The following AKT3 variants were observed in gnomAD, a reference collection of about 807,000 sequenced individuals.
The protein encoded by AKT3 is AKT serine/threonine kinase 3, also known as RAC-gamma serine/threonine-protein kinase.
Under a neutral mutation model 65.3 loss-of-function variants are expected in AKT3, and 15 were observed. The ratio of observed to expected loss-of-function variants is 0.23; its 90% confidence interval spans 0.15 to 0.35. The LOEUF is 0.35. AKT3 is among the 10% of genes least tolerant of loss of function. The pLI is 1.00. For missense variants in AKT3, 243 were observed against 576.5 expected (o/e 0.42, Z 5.92); for synonymous variants, 206 against 183.8 (o/e 1.12, Z -0.98).
At chr1:243,825,949 T>C (rs1003784118) in intron 2 of AKT3, among the ~76,000 whole-genome samples, 6 of 152,020 alleles carry the variant, frequency 3.9e-5, no homozygotes, top group African/African-American at 1.5e-4. Flanking sequence ...CTAGCCAACA[T>C]GGCGAAACCC....
At chr1:243,686,978 TGA>T in intron 3 of AKT3, among the ~76,000 whole-genome samples, 1 of 151,990 alleles carries the variant, frequency 6.6e-6, no homozygotes, top group Admixed American at 6.6e-5. Flanking sequence ...TGATCTCACT[TGA>T]TCCTCACTGT....
chr1:243,625,047 C>A, intron 6 of AKT3: 1 of 346,570 alleles, frequency 2.9e-6, no homozygotes, highest in Non-Finnish European at 5.9e-6. Context: ...TTACAGAAAG[C>A]CTCCTCCACC....
chr1:243,719,460 C>G (rs1316320585), intron 2 of AKT3, among the ~76,000 whole-genome samples: 1 of 152,198 alleles, frequency 6.6e-6, no homozygotes, highest in African/African-American at 2.4e-5. Flanking sequence ...GTTTTCCTGA[C>G]TACCAATTCC....
chr1:243,842,482 T>A (rs192512020), intron 2 of AKT3, among the ~76,000 whole-genome samples: 23 of 152,310 alleles, frequency 1.5e-4, no homozygotes, highest in Admixed American at 1.4e-3. Context: ...GTTCTTCCTT[T>A]AATAATAAAA....
chr1:243,826,003 G>A (rs1446876662), intron 2 of AKT3, among the ~76,000 whole-genome samples: 3 of 151,952 alleles, frequency 2.0e-5, no homozygotes, highest in African/African-American at 7.3e-5. Context: ...GTTGTAGCAG[G>A]TGCCTGTAAT....
chr1:243,503,092 A>G lies in AKT3; in HGVS notation c.*2157T>C, dbSNP rs970426157. On this transcript the variant is annotated 3_prime_UTR_variant, in exon 14 of 14. Coordinates refer to ENST00000673466, the MANE Select transcript of AKT3 (RefSeq NM_005465.7). ...TTGTCAAAATGAAACATTCAACATA[A>G]TTCCAAGTGAAAAAAAAAAGATTAG... The G allele has an allele frequency of 4.3e-6, 1 of 233,518 alleles. No individual in the cohort carries two copies. The allele number at this position is 233,518 out of a possible 1,614,324, so 14.5% of individuals were successfully genotyped here.
chr1:243,845,560 G>A (rs1038914706), intron 1 of AKT3, among the ~76,000 whole-genome samples: 2 of 122,956 alleles, frequency 1.6e-5, no homozygotes, highest in East Asian at 4.8e-4. Context: ...TGGTGACCGT[G>A]CCTGGGTGCT....
chr1:243,596,044 T>C (rs1290324255), intron 8 of AKT3, among the ~76,000 whole-genome samples: 1 of 152,178 alleles, frequency 6.6e-6, no homozygotes, highest in Non-Finnish European at 1.5e-5. Flanking sequence ...ACTTACAACA[T>C]TTACATCACT....
chr1:243,637,805 T>A (rs1680085438), intron 5 of AKT3, 63 bp from the exon 6 acceptor site: 1 of 1,197,080 alleles, frequency 8.4e-7, no homozygotes, highest in Non-Finnish European at 1.1e-6. Flanking sequence ...TGTTAGCATA[T>A]ATATATGTGT....
intron 8 of AKT3, among the ~76,000 whole-genome samples, chr1:243,594,378 CATG>C (rs1419853366): frequency 5.9e-5 from 9 of 152,026 alleles, no homozygotes; most frequent in East Asian, 1.9e-4. Context: ...TAAAAATTGA[CATG>C]ATAATAAATT....
rs1453866372 is a variant in AKT3 at position 243,798,210 on chromosome 1, T to A, written c.46+44915A>T. Among the ~76,000 whole-genome samples, 8 of 126,528 alleles carry A rather than the reference T, an allele frequency of 6.3e-5. No homozygotes were observed. In the East Asian group the frequency reaches 1.7e-3, roughly 27 times the overall value. The allele number at this position is 126,528 out of a possible 152,430, so 83.0% of individuals were successfully genotyped here. ...GCGTGAGCCACTGTGCCAGGCCCTT[T>A]TTTTTTTTTTTTTTTTTAAGACAGG... On this transcript the variant is annotated intron_variant, in intron 2 of 13. Coordinates refer to ENST00000673466, the MANE Select transcript of AKT3 (RefSeq NM_005465.7).
At chr1:243,574,660 C>T (rs1393313466) in intron 8 of AKT3, among the ~76,000 whole-genome samples, 1 of 152,034 alleles carries the variant, frequency 6.6e-6, no homozygotes, top group Admixed American at 6.6e-5. Flanking sequence ...TCATTCATTT[C>T]ATATAGTTAG....
Position 243,500,064 on chromosome 1 carries a change from G to C in AKT3, c.*5185C>G, listed in dbSNP as rs1017225402. ...CATTCGTATGCTAGGTTATACATAT[G>C]ATTTTCAATAAATGAACTTTTTAAA... On this transcript the variant is annotated 3_prime_UTR_variant, in exon 14 of 14. Coordinates refer to ENST00000673466, the MANE Select transcript of AKT3 (RefSeq NM_005465.7). 1 of 439,822 alleles carries C rather than the reference G, an allele frequency of 2.3e-6. No individual in the cohort carries two copies. The highest frequency in any genetic ancestry group is 2.0e-5 in the African/African-American group (1 of 51,238). The allele number at this position is 439,822 out of a possible 1,614,324, so 27.2% of individuals were successfully genotyped here.
At chr1:243,787,613 G>T (rs1691349182) in intron 2 of AKT3, among the ~76,000 whole-genome samples, 1 of 152,056 alleles carries the variant, frequency 6.6e-6, no homozygotes, top group Non-Finnish European at 1.5e-5. Context: ...ATAACATTTT[G>T]TTTCCCTTGC....
rs539712193 is a variant in AKT3 at position 243,594,783 on chromosome 1, T to C, written c.696+18888A>G. ...TTTGTAGAGACAGGGTCCTGCTGTG[T>C]TGCCCAGGCTGGTCTCGAACTCCTG... On this transcript the variant is annotated intron_variant, in intron 8 of 13. Transcript: ENST00000673466. Among the ~76,000 whole-genome samples, 69 of 152,296 alleles carry C rather than the reference T, an allele frequency of 4.5e-4. 1 individual carries two copies. The highest frequency in any genetic ancestry group is 1.6e-3 in the African/African-American group (66 of 41,566).
intron 1 of AKT3, among the ~76,000 whole-genome samples, chr1:243,844,798 G>A (rs772415456): frequency 5.9e-5 from 9 of 152,064 alleles, no homozygotes; most frequent in African/African-American, 1.2e-4. Flanking sequence ...AGATGTATGC[G>A]GGAAAGTCCT....
intron 5 of AKT3, among the ~76,000 whole-genome samples, chr1:243,639,328 T>C (rs1254880946): frequency 6.6e-6 from 1 of 152,212 alleles, no homozygotes; most frequent in African/African-American, 2.4e-5. Flanking sequence ...ACCAATTTTA[T>C]ACAAATTCTT....
intron 2 of AKT3, among the ~76,000 whole-genome samples, chr1:243,719,554 C>T (rs954688276): frequency 1.3e-5 from 2 of 152,276 alleles, no homozygotes; most frequent in Admixed American, 6.5e-5. Flanking sequence ...GAAGGTAATG[C>T]TGGCTGCTGA....
chr1:243,786,014 C>A (rs1371484731), intron 2 of AKT3, among the ~76,000 whole-genome samples: 3 of 152,210 alleles, frequency 2.0e-5, no homozygotes, highest in Non-Finnish European at 4.4e-5. Context: ...TTATGAGCTT[C>A]AAGGTAAATA....
Sources: gnomAD v4.1 joint callset for allele counts (sites outside exome capture counted in the v4.1 genomes callset) on GRCh38, gnomAD v4.1.1 for gene constraint, MANE v1.5 for transcripts, NCBI Gene and HGNC (gene_info 2026-07-23, HGNC 2026-07-21) for gene names.